Variants in RNF144A observed in about 807,000 individuals in gnomAD.
The protein encoded by RNF144A is ring finger protein 144A, also known as E3 ubiquitin-protein ligase RNF144A.
RNF144A carries 11 observed loss-of-function variants against 38.7 expected under a neutral mutation model. The ratio of observed to expected loss-of-function variants is 0.28; its 90% CI spans 0.18 to 0.47. RNF144A has a LOEUF of 0.47. RNF144A is among the 20% of genes least tolerant of loss of function. RNF144A has a pLI of 0.99. For missense variants in RNF144A, 316 were observed against 377.2 expected (o/e 0.84, Z 1.34); for synonymous variants, 149 against 143.9 (o/e 1.04, Z -0.25).
chr2:7,003,964 G>T (rs73914472), intron 3 of RNF144A, among the ~76,000 whole-genome samples: 326 of 152,362 alleles, frequency 2.1e-3, no homozygotes, highest in African/African-American at 7.4e-3. Flanking sequence ...CATGAGTGTC[G>T]CTGGTTCTCA....
chr2:6,951,970 C>G (rs1666708758), intron 2 of RNF144A, among the ~76,000 whole-genome samples: 1 of 152,148 alleles, frequency 6.6e-6, no homozygotes, highest in African/African-American at 2.4e-5. Context: ...AGCAGACATC[C>G]TTTCCTCCAG....
At chr2:6,939,439 G>A (rs1665823559) in intron 1 of RNF144A, among the ~76,000 whole-genome samples, 2 of 152,086 alleles carry the variant, frequency 1.3e-5, no homozygotes, top group Non-Finnish European at 2.9e-5. Flanking sequence ...GGTTGTCTTT[G>A]GATTGTTAAG....
At chr2:6,981,884 G>A (rs1466379697) in intron 2 of RNF144A, among the ~76,000 whole-genome samples, 1 of 152,180 alleles carries the variant, frequency 6.6e-6, no homozygotes, top group African/African-American at 2.4e-5. Flanking sequence ...GAAGAAAAAA[G>A]ATTTAATTGA....
chr2:7,041,862 A>T lies in RNF144A; in HGVS notation c.*2102A>T. 1 of 985,338 alleles carries T rather than the reference A, an allele frequency of 1.0e-6. No homozygotes were observed. The highest frequency in any genetic ancestry group is 1.2e-6 in the Non-Finnish European group (1 of 829,944). The allele number at this position is 985,338 out of a possible 1,614,324, so 61.0% of individuals were successfully genotyped here. A position where few individuals can be genotyped will look rare whatever the true frequency, so the allele number is the denominator to read the frequency against. The stretch of plus-strand genomic sequence containing the variant: ...TTGGAAAGGCTGCATCCCCAGGGCT[A>T]GAGCTCAGATGACCTTATTTCTAGA... On this transcript the variant is annotated 3_prime_UTR_variant, in exon 9 of 9. Coordinates refer to ENST00000320892, the MANE Select transcript of RNF144A (RefSeq NM_014746.6).
chr2:6,948,971 T>C (rs538949287), intron 2 of RNF144A, among the ~76,000 whole-genome samples: 13 of 152,166 alleles, frequency 8.5e-5, no homozygotes, highest in East Asian at 3.8e-4. Context: ...GACGAGGTCA[T>C]TGGGGGCAGA....
At chr2:7,024,292 G>T in intron 6 of RNF144A, 77 bp from the exon 7 acceptor site, 1 of 1,297,900 alleles carries the variant, frequency 7.7e-7, no homozygotes, top group Non-Finnish European at 1.0e-6. Flanking sequence ...TGGAGCCGAT[G>T]CTTCCAGCAT....
At chr2:7,075,555 G>C in the RNF144A span, among the ~76,000 whole-genome samples, 4 of 152,148 alleles carry the variant, frequency 2.6e-5, no homozygotes, top group African/African-American at 9.7e-5. Flanking sequence ...TTTATAAGAA[G>C]AGGAAGAAAG....
At chr2:7,003,161 T>C (rs1670221951) in intron 3 of RNF144A, among the ~76,000 whole-genome samples, 2 of 152,126 alleles carry the variant, frequency 1.3e-5, no homozygotes, top group Non-Finnish European at 2.9e-5. Context: ...GTTATGAGAA[T>C]AAAAAAGTTG....
chr2:6,927,431 G>A (rs771291), intron 1 of RNF144A, among the ~76,000 whole-genome samples: 2 of 152,050 alleles, frequency 1.3e-5, no homozygotes, highest in Non-Finnish European at 2.9e-5. Flanking sequence ...GCCTTTCCTC[G>A]GGAGGACCAG....
intron 6 of RNF144A, among the ~76,000 whole-genome samples, chr2:7,055,511 A>G (rs1185254158): frequency 6.6e-6 from 1 of 152,088 alleles, no homozygotes; most frequent in East Asian, 1.9e-4. Flanking sequence ...TTTAGCACTC[A>G]CACATCTAAT....
At chr2:6,924,373 G>T (rs990516532) in intron 1 of RNF144A, among the ~76,000 whole-genome samples, 1 of 152,260 alleles carries the variant, frequency 6.6e-6, no homozygotes, top group Non-Finnish European at 1.5e-5. Context: ...GAAGGGAGAT[G>T]CATAATGTGG....
chr2:6,943,450 G>A lies in RNF144A; in HGVS notation c.-12+2303G>A, dbSNP rs1189042006. Among the ~76,000 whole-genome samples the A allele has an allele frequency of 6.6e-6, 1 of 152,192 alleles. No individual in the cohort carries two copies. The highest frequency in any genetic ancestry group is 1.5e-5 in the Non-Finnish European group (1 of 68,036). ...TGTAGACAACTCAGTTGAGCTTTGC[G>A]GCAAAAGGGAGCAGAGTTTGAGGTG... On this transcript the variant is annotated intron_variant, in intron 2 of 8. Transcript: ENST00000320892. This position sits in a 1 kb window ranked among gnomAD's most constrained non-coding sequence, Gnocchi z 4.3.
At chr2:7,028,072 A>AT (rs962526245) in intron 7 of RNF144A, among the ~76,000 whole-genome samples, 4 of 152,116 alleles carry the variant, frequency 2.6e-5, no homozygotes, top group African/African-American at 7.2e-5. Context: ...ACACATTGCT[A>AT]TGAAGGAGGC....
intron 7 of RNF144A, among the ~76,000 whole-genome samples, chr2:7,029,133 G>A (rs966313109): frequency 3.9e-5 from 6 of 152,358 alleles, no homozygotes; most frequent in East Asian, 1.9e-4. Flanking sequence ...TTCCTCAGGC[G>A]CATTGGGCCC....
intron 2 of RNF144A, among the ~76,000 whole-genome samples, chr2:6,970,613 G>C (rs1460377565): frequency 6.6e-6 from 1 of 152,182 alleles, no homozygotes; most frequent in African/African-American, 2.4e-5. Context: ...TATTCAACTG[G>C]TACCATTTTC....
intron 2 of RNF144A, among the ~76,000 whole-genome samples, chr2:6,993,572 C>T (rs914186444): frequency 3.3e-5 from 5 of 151,898 alleles, no homozygotes; most frequent in Non-Finnish European, 4.4e-5. Flanking sequence ...ACTGTTCACG[C>T]GGGGTGGAGG....
rs1667292317 is a variant in RNF144A, at chr2:6,960,894, T to TA, written c.-12+19748dup. ...GCTGAAGAAAGTGCTGGCATGCGCT[T>TA]ACTTTTGAAATTGGCAGTGAAGTGA... On this transcript the variant is annotated intron_variant, in intron 2 of 8. Transcript: ENST00000320892. Among the ~76,000 whole-genome samples, 5 of 152,046 alleles carry TA rather than the reference T, an allele frequency of 3.3e-5. No individual in the cohort carries two copies. The South Asian group carries it at 8.3e-4, about 25-fold the overall frequency.
chr2:6,935,839 C>T (rs1387079430), intron 1 of RNF144A, among the ~76,000 whole-genome samples: 1 of 152,262 alleles, frequency 6.6e-6, no homozygotes, highest in South Asian at 2.1e-4. Flanking sequence ...ATCTGCACAC[C>T]TACCCTAGGG....
chr2:7,032,088 G>C (rs183943672), intron 8 of RNF144A, among the ~76,000 whole-genome samples: 1 of 152,282 alleles, frequency 6.6e-6, no homozygotes. Flanking sequence ...GATGAAGGCA[G>C]ATTTGGCCCC....
Sources: gnomAD v4.1 joint callset for allele counts (sites outside exome capture counted in the v4.1 genomes callset) on GRCh38, gnomAD v4.1.1 for gene constraint, Gnocchi (gnomAD v3.1) non-coding constraint, MANE v1.5 for transcripts, NCBI Gene and HGNC (gene_info 2026-07-23, HGNC 2026-07-21) for gene names.